The following NAA11 variants were observed in gnomAD, a reference collection of about 807,000 sequenced individuals.
NAA11 encodes the protein N-alpha-acetyltransferase 11, NatA catalytic subunit.
In NAA11, 15 loss-of-function variants were observed where a neutral mutation model predicts 16.1. The observed-to-expected ratio is 0.93, with a 90% CI of 0.62 to 1.44. The LOEUF (loss-of-function observed/expected upper bound fraction) is 1.44. Ranked by LOEUF, NAA11 falls within the 40% of genes most tolerant of loss-of-function variation. The probability of loss-of-function intolerance (pLI) is 0.00; values close to 1 mark genes in which losing one functional copy is unlikely to be tolerated. For missense variants in NAA11, 298 were observed against 291.3 expected (o/e 1.02, Z -0.17); for synonymous variants, 122 against 112.4 (o/e 1.09, Z -0.54).
chr4:79,215,182 A>G, the NAA11 span, among the ~76,000 whole-genome samples: 1 of 152,216 alleles, frequency 6.6e-6, no homozygotes, highest in African/African-American at 2.4e-5. Flanking sequence ...ACCAATTTAC[A>G]CATATTTACT....
At chr4:79,200,355 T>C in the NAA11 span, among the ~76,000 whole-genome samples, 1 of 151,984 alleles carries the variant, frequency 6.6e-6, no homozygotes, top group African/African-American at 2.4e-5. Flanking sequence ...ACGGGGTTGA[T>C]TTCTACCTTC....
intron 1 of NAA11, among the ~76,000 whole-genome samples, chr4:79,294,890 T>A (rs1435789979): frequency 6.6e-6 from 1 of 152,234 alleles, no homozygotes; most frequent in African/African-American, 2.4e-5. Flanking sequence ...TATTTTTGTA[T>A]AATTTACGCC....
the NAA11 span, among the ~76,000 whole-genome samples, chr4:79,178,039 T>C: frequency 3.9e-4 from 60 of 152,294 alleles, no homozygotes; most frequent in African/African-American, 1.4e-3. Context: ...ACATTAAAAG[T>C]AAAACTGAGC....
At chr4:79,303,912 CATCTTT>C (rs1460407459) in intron 1 of NAA11, among the ~76,000 whole-genome samples, 1 of 152,260 alleles carries the variant, frequency 6.6e-6, no homozygotes, top group African/African-American at 2.4e-5. Context: ...TGACCTCTTT[CATCTTT>C]ATATCACATT....
chr4:79,176,352 A>T, the NAA11 span, among the ~76,000 whole-genome samples: 1 of 152,158 alleles, frequency 6.6e-6, no homozygotes, highest in Non-Finnish European at 1.5e-5. Flanking sequence ...CCAATGGGAT[A>T]TGTATATGTA....
At chr4:79,255,998 T>C (rs1454510532) in intron 2 of NAA11, among the ~76,000 whole-genome samples, 1 of 152,094 alleles carries the variant, frequency 6.6e-6, no homozygotes, top group African/African-American at 2.4e-5. Flanking sequence ...TCGCTGGCGG[T>C]TGGGTCTGAT....
Position 79,326,049 on chromosome 4 carries a change from A to G in NAA11, c.-172T>C, listed in dbSNP as rs1056195210. On this transcript the variant is annotated 5_prime_UTR_variant, in exon 1 of 2. Coordinates refer to ENST00000286794, the MANE Select transcript of NAA11 (RefSeq NM_032693.3). ...GCGGAAGGAGCAGGAGATGGAAAAG[A>G]TGGTGCCAAACTGCGGCTTTCAGAA... The G allele has an allele frequency of 3.2e-6, 2 of 618,732 alleles. No homozygotes were observed. Among genetic ancestry groups the G allele is most frequent in the Non-Finnish European group, 5.8e-6 (2 of 346,986 alleles). The allele number at this position is 618,732 out of a possible 1,614,324, so 38.3% of individuals were successfully genotyped here.
chr4:79,175,131 A>G, the NAA11 span, among the ~76,000 whole-genome samples: 1 of 152,118 alleles, frequency 6.6e-6, no homozygotes, highest in African/African-American at 2.4e-5. Flanking sequence ...ACTGTGGTCA[A>G]CTTCAAAGAA....
chr4:79,288,768 C>A (rs1057306255), intron 2 of NAA11, among the ~76,000 whole-genome samples: 1 of 152,018 alleles, frequency 6.6e-6, no homozygotes, highest in Non-Finnish European at 1.5e-5. Flanking sequence ...TTCAAAAAAT[C>A]ATTTAAATTT....
the NAA11 span, among the ~76,000 whole-genome samples, chr4:79,201,566 A>C: frequency 6.6e-6 from 1 of 151,634 alleles, no homozygotes; most frequent in African/African-American, 2.4e-5. Context: ...TATTAATGGT[A>C]AAAACCCTTT....
At chr4:79,188,793 AAG>A in the NAA11 span, among the ~76,000 whole-genome samples, 3 of 152,136 alleles carry the variant, frequency 2.0e-5, no homozygotes, top group Non-Finnish European at 4.4e-5. Flanking sequence ...TGAATTTCAG[AAG>A]AGAGTCTTCA....
At chr4:79,262,060 T>C (rs2109974635) in intron 2 of NAA11, among the ~76,000 whole-genome samples, 1 of 152,272 alleles carries the variant, frequency 6.6e-6, no homozygotes, top group Non-Finnish European at 1.5e-5. Context: ...TATAATGGTG[T>C]GGACTGAAAG....
At chr4:79,167,498 T>G in the NAA11 span, among the ~76,000 whole-genome samples, 2 of 151,776 alleles carry the variant, frequency 1.3e-5, no homozygotes, top group Non-Finnish European at 2.9e-5. Flanking sequence ...TGGGGAGTCA[T>G]GAGGATTAAA....
In NAA11 at chr4:79,325,244, A is replaced by T; in HGVS notation, c.634T>A (p.Ser212Thr). The T allele has an allele frequency of 1.2e-6, 2 of 1,613,148 alleles. No individual in the cohort carries two copies. Among genetic ancestry groups the T allele is most frequent in the Non-Finnish European group, 1.7e-6 (2 of 1,179,614 alleles). Residue 212 changes from serine to threonine, a missense_variant, in exon 1 of 2, where the codon TCT becomes ACT. Physicochemically the swap from Ser to Thr is moderately conservative, Grantham distance 58 (BLOSUM62 1). Transcript: ENST00000286794. ...SGSDSKEPKE[S>T]VESTNVQDSS... ...TCCTGGACGTTGGTGCTCTCCACAG[A>T]CTCCTTAGGTTCTTTGCTGTCACTG... is the stretch of plus-strand genomic sequence containing the variant.
At chr4:79,174,543 A>C in the NAA11 span, among the ~76,000 whole-genome samples, 1 of 152,120 alleles carries the variant, frequency 6.6e-6, no homozygotes, top group Non-Finnish European at 1.5e-5. Flanking sequence ...GCTACATAGA[A>C]ATCAAGTCAC....
chr4:79,289,176 A>G (rs1723020461), intron 2 of NAA11, among the ~76,000 whole-genome samples: 2 of 152,330 alleles, frequency 1.3e-5, no homozygotes, highest in African/African-American at 4.8e-5. Flanking sequence ...TGTCCTCCAG[A>G]AAGGTGTCTC....
At chr4:79,302,201 C>CA (rs1345307274) in intron 1 of NAA11, among the ~76,000 whole-genome samples, 6 of 152,128 alleles carry the variant, frequency 3.9e-5, no homozygotes, top group Non-Finnish European at 8.8e-5. Flanking sequence ...AATTATATTA[C>CA]AGATTTCTGC....
At chr4:79,240,721 T>C (rs1403230616) in intron 2 of NAA11, among the ~76,000 whole-genome samples, 1 of 152,142 alleles carries the variant, frequency 6.6e-6, no homozygotes, top group Admixed American at 6.6e-5. Context: ...AAGTTACTTT[T>C]TCTGGTTGGA....
chr4:79,231,663 T>C (rs1721469634), intron 2 of NAA11, among the ~76,000 whole-genome samples: 1 of 151,758 alleles, frequency 6.6e-6, no homozygotes, highest in Non-Finnish European at 1.5e-5. Flanking sequence ...AAAGGGACAA[T>C]TAGATAATAT....
Sources: gnomAD v4.1 joint callset for allele counts (sites outside exome capture counted in the v4.1 genomes callset) on GRCh38, gnomAD v4.1.1 for gene constraint, MANE v1.5 for transcripts, NCBI Gene and HGNC (gene_info 2026-07-23, HGNC 2026-07-21) for gene names.